Variants in UBE4B observed in about 807,000 individuals in gnomAD.
The protein encoded by UBE4B is ubiquitin conjugation factor E4 B.
Under a neutral mutation model 148.1 loss-of-function variants are expected in UBE4B, and 27 were observed. The observed-to-expected ratio is 0.18, with a 90% CI of 0.13 to 0.25. The LOEUF (loss-of-function observed/expected upper bound fraction) is 0.25. UBE4B is among the 10% of genes least tolerant of loss of function. UBE4B has a pLI of 1.00. For synonymous variants in UBE4B, 596 were observed against 619.3 expected (o/e 0.96, Z 0.56); for missense variants, 1,170 against 1,662.4 (o/e 0.70, Z 5.15).
At chr1:10,069,036 A>C (rs1644439791) in intron 1 of UBE4B, among the ~76,000 whole-genome samples, 1 of 152,336 alleles carries the variant, frequency 6.6e-6, no homozygotes, top group South Asian at 2.1e-4. Context: ...CATGCTTCAC[A>C]AAGTCTTGAT....
chr1:10,165,407 A>C (rs372057144), intron 23 of UBE4B, among the ~76,000 whole-genome samples: 39 of 152,100 alleles, frequency 2.6e-4, no homozygotes, highest in African/African-American at 8.9e-4. Context: ...GCAGTAGCCC[A>C]CTGCTTGGTC....
At chr1:10,160,302 A>G (rs926528862) in intron 22 of UBE4B, among the ~76,000 whole-genome samples, 4 of 152,204 alleles carry the variant, frequency 2.6e-5, no homozygotes, top group African/African-American at 4.8e-5. Flanking sequence ...AGGAATAACT[A>G]TATCAGTTGT....
intron 23 of UBE4B, chr1:10,166,196 G>A (rs1646243394): frequency 6.6e-6 from 1 of 152,240 alleles, no homozygotes; most frequent in Admixed American, 6.5e-5. Flanking sequence ...CTGAACAGAT[G>A]TAAGAATTGA....
chr1:10,033,862 C>T (rs1433687202), intron 1 of UBE4B, among the ~76,000 whole-genome samples, 168 bp downstream of exon 1: 1 of 152,186 alleles, frequency 6.6e-6, no homozygotes, highest in African/African-American at 2.4e-5. Flanking sequence ...GTTTTGTTCT[C>T]CTTTATTCTG....
chr1:10,132,697 T>C (rs755727459), intron 15 of UBE4B, among the ~76,000 whole-genome samples: 5 of 152,070 alleles, frequency 3.3e-5, no homozygotes, highest in Middle Eastern at 3.4e-3. Context: ...GTGAAGAAAA[T>C]AGAGCAAAGT....
intron 1 of UBE4B, among the ~76,000 whole-genome samples, chr1:10,048,607 G>A (rs890286762): frequency 6.6e-6 from 1 of 152,210 alleles, no homozygotes; most frequent in African/African-American, 2.4e-5. Flanking sequence ...CTGGTGTCCA[G>A]GGGAAGAAAG....
chr1:10,047,213 A>G (rs570979486), intron 1 of UBE4B, among the ~76,000 whole-genome samples: 145 of 152,284 alleles, frequency 9.5e-4, no homozygotes, highest in Admixed American at 2.2e-3. Flanking sequence ...GCTGTGGCAG[A>G]GGTCGGAAAT....
intron 17 of UBE4B, among the ~76,000 whole-genome samples, chr1:10,137,904 TA>T (rs1399091423): frequency 6.7e-6 from 1 of 148,868 alleles, no homozygotes; most frequent in African/African-American, 2.5e-5. Context: ...CTACCTTGCT[TA>T]AATCACTTAC....
intron 14 of UBE4B, among the ~76,000 whole-genome samples, chr1:10,131,228 A>G (rs1428827483): frequency 3.3e-5 from 5 of 152,298 alleles, no homozygotes; most frequent in Non-Finnish European, 5.9e-5. Context: ...TGTAATCCCA[A>G]CACTTTGGGA....
chr1:10,131,062 C>T (rs1304457771), intron 14 of UBE4B, among the ~76,000 whole-genome samples: 2 of 152,242 alleles, frequency 1.3e-5, no homozygotes, highest in African/African-American at 4.8e-5. Context: ...CCCGGCTCCT[C>T]CTCCAGCTGG....
Position 10,168,211 on chromosome 1 carries a change from G to A in UBE4B, c.3274G>A (p.Glu1092Lys). 2.5e-6 allele frequency: 4 copies of A among 1,614,148 alleles called. No individual in the cohort carries two copies. The highest frequency in any genetic ancestry group is 2.2e-5 in the East Asian group (1 of 44,886). ...CCGCTCTTACCTCGCCCTGGCCACC[G>A]AAACCGTGGACATGTTCCACATCCT... ...VSRSYLALAT[E>K]TVDMFHILTK... The change falls in exon 24 of 28, where the codon GAA becomes AAA. Residue 1092 changes from glutamate (E) to lysine (K), a missense_variant. Around this residue, in one of 6 missense-constraint regions of UBE4B, gnomAD observed 348 missense variants for 627.2 expected, o/e 0.55. Transcript: ENST00000343090. The surrounding 1 kb of genome is among the most constrained non-coding windows in gnomAD (Gnocchi z 4.9).
At chr1:10,035,254 C>T (rs1643463675) in intron 1 of UBE4B, among the ~76,000 whole-genome samples, 1 of 151,934 alleles carries the variant, frequency 6.6e-6, no homozygotes, top group African/African-American at 2.4e-5. Context: ...GCCTCAGCCT[C>T]CCAAAGTGCT....
intron 5 of UBE4B, chr1:10,103,315 A>G (rs549241457): frequency 9.0e-6 from 3 of 334,992 alleles, no homozygotes; most frequent in Admixed American, 4.2e-5. Flanking sequence ...CTATAATACT[A>G]TGTAAATAGG....
chr1:10,123,168 C>T (rs934407126), intron 10 of UBE4B, among the ~76,000 whole-genome samples: 4 of 151,918 alleles, frequency 2.6e-5, no homozygotes, highest in Admixed American at 6.6e-5. Context: ...CAGTGGCTCA[C>T]GCCTGTAATC....
intron 1 of UBE4B, among the ~76,000 whole-genome samples, chr1:10,071,465 G>A (rs911458131): frequency 6.6e-6 from 1 of 152,150 alleles, no homozygotes; most frequent in Non-Finnish European, 1.5e-5. Flanking sequence ...GTTTGCACCT[G>A]TAGTGTTAGA....
chr1:10,072,278 G>C, intron 2 of UBE4B, 64 bp downstream of exon 2: 1 of 1,553,286 alleles, frequency 6.4e-7, no homozygotes, highest in Non-Finnish European at 8.7e-7. Flanking sequence ...TTAAGCTGAT[G>C]GTTGTGATGT....
chr1:10,123,180 C>T (rs1009586212), intron 10 of UBE4B, among the ~76,000 whole-genome samples: 1 of 152,084 alleles, frequency 6.6e-6, no homozygotes, highest in African/African-American at 2.4e-5. Flanking sequence ...CCTGTAATCT[C>T]AACACTTTGG....
intron 2 of UBE4B, among the ~76,000 whole-genome samples, chr1:10,094,055 A>G (rs1021423711): frequency 6.6e-6 from 1 of 152,084 alleles, no homozygotes; most frequent in African/African-American, 2.4e-5. Context: ...TATATTTTAA[A>G]GTATTTGCAA....
intron 1 of UBE4B, among the ~76,000 whole-genome samples, chr1:10,040,514 G>A (rs555201560): frequency 6.6e-6 from 1 of 152,164 alleles, no homozygotes; most frequent in South Asian, 2.1e-4. Flanking sequence ...GCCTCCCAGA[G>A]TGCTGAGATT....
Sources: allele counts gnomAD v4.1 joint callset (sites outside exome capture counted in the v4.1 genomes callset), GRCh38; gene constraint gnomAD v4.1.1; regional missense constraint gnomAD v4.1.1; non-coding constraint Gnocchi (gnomAD v3.1); transcripts MANE v1.5; gene names NCBI Gene and HGNC (gene_info 2026-07-23, HGNC 2026-07-21).